PEDS1: variants seen among roughly 807,000 people sequenced by gnomAD.
PEDS1 encodes the protein plasmanylethanolamine desaturase 1.
In PEDS1, 14 loss-of-function variants were observed where a neutral mutation model predicts 35.2. That is an observed-to-expected ratio of 0.40 (90% CI 0.26 to 0.62). PEDS1 has a LOEUF of 0.62. Among genes scored for constraint, PEDS1 ranks in the 20% least tolerant of loss-of-function variants. PEDS1 has a pLI of 0.44. For missense variants in PEDS1, 260 were observed against 367.8 expected (o/e 0.71, Z 2.40); for synonymous variants, 152 against 152.0 (o/e 1.00, Z 0.00).
rs191369615 is a variant in PEDS1 at position 50,147,454 on chromosome 20, T to A, written c.122-3833A>T. ...GGCTGGGCCCCTGCAGTCATCTGAG[T>A]TTTTGAGTCTGAGGCACAGTCTCTC... is the stretch of plus-strand genomic sequence containing the variant. On this transcript the variant is annotated intron_variant, in intron 1 of 5. Transcript: ENST00000371652. 2.0e-5 allele frequency among the ~76,000 whole-genome samples: 3 copies of A among 152,262 alleles called. No individual in the cohort carries two copies. The East Asian group carries it at 5.8e-4, about 29-fold the overall frequency.
rs965546106 is a variant in PEDS1 at position 50,124,181 on chromosome 20, T to A, written c.*877A>T. 3.9e-5 allele frequency: 6 copies of A among 152,638 alleles called. No homozygotes were observed. The highest frequency in any genetic ancestry group is 1.4e-4 in the African/African-American group (6 of 41,442). 9.5% of individuals were successfully genotyped at this position (152,638 alleles called of 1,614,324 possible). A position where few individuals can be genotyped will look rare whatever the true frequency, so the allele number is the denominator to read the frequency against. ...AGGCAGCCAAGGTTAAGTAGACTCT[T>A]GCTGCTTTGTTATAAATATATTATG... On this transcript the variant is annotated 3_prime_UTR_variant, in exon 6 of 6. Coordinates refer to ENST00000371652, the MANE Select transcript of PEDS1 (RefSeq NM_199129.4).
Position 50,125,065 on chromosome 20 carries a change from A to G in PEDS1, c.806T>C (p.Ile269Thr). Residue 269 changes from isoleucine to threonine, a missense_variant, in exon 6 of 6, where the codon ATC becomes ACC. Transcript: ENST00000371652. Reference sequence around the variant, plus strand: ...GTAGCAGGCTCGGAGAAGTTATTTGATCTTCTGGGCCCATTTCATGTCATC... The same window carrying G: ...GTAGCAGGCTCGGAGAAGTTATTTGGTCTTCTGGGCCCATTTCATGTCATC... ...RADDMKWAQK[I>T]K The G allele has an allele frequency of 2.5e-6, 4 of 1,613,662 alleles. No individual in the cohort carries two copies. In the African/African-American group the frequency reaches 4.0e-5, roughly 16 times the overall value.
chr20:50,137,882 CA>C (rs895587856), intron 2 of PEDS1, among the ~76,000 whole-genome samples: 6 of 151,744 alleles, frequency 4.0e-5, no homozygotes, highest in Non-Finnish European at 5.9e-5. Flanking sequence ...AACAAACAAA[CA>C]AAAAAAACTG....
chr20:50,146,271 G>A (rs1336913814), intron 1 of PEDS1, among the ~76,000 whole-genome samples: 1 of 152,046 alleles, frequency 6.6e-6, no homozygotes, highest in Non-Finnish European at 1.5e-5. Context: ...CCATCTCCAG[G>A]AAGCCATCCA....
chr20:50,125,711 A>G (rs1029155515), intron 5 of PEDS1, among the ~76,000 whole-genome samples: 2 of 152,132 alleles, frequency 1.3e-5, no homozygotes, highest in Non-Finnish European at 2.9e-5. Context: ...CTCCTGCCTC[A>G]GCCTCCGAGT....
At chr20:50,142,012 G>T (rs2081296262) in intron 2 of PEDS1, among the ~76,000 whole-genome samples, 1 of 152,204 alleles carries the variant, frequency 6.6e-6, no homozygotes, top group African/African-American at 2.4e-5. Context: ...GGAGGGGAAG[G>T]GTGGTGCATG....
chr20:50,126,400 C>A (rs908470983), intron 5 of PEDS1, among the ~76,000 whole-genome samples: 1 of 152,206 alleles, frequency 6.6e-6, no homozygotes, highest in African/African-American at 2.4e-5. Context: ...AGCCTGAATT[C>A]TAATCCCTCC....
chr20:50,140,673 T>C (rs2081283684), intron 2 of PEDS1, among the ~76,000 whole-genome samples: 1 of 152,182 alleles, frequency 6.6e-6, no homozygotes, highest in Admixed American at 6.5e-5. Flanking sequence ...CCGCTTAGCT[T>C]GATTTTGCTT....
At chr20:50,147,005 G>C (rs955234822) in intron 1 of PEDS1, among the ~76,000 whole-genome samples, 1 of 152,168 alleles carries the variant, frequency 6.6e-6, no homozygotes, top group Non-Finnish European at 1.5e-5. Flanking sequence ...GGGAGGACAC[G>C]GAGAGGCGGT....
chr20:50,125,589 T>TATCA (rs2081093845), intron 5 of PEDS1, among the ~76,000 whole-genome samples: 1 of 137,078 alleles, frequency 7.3e-6, no homozygotes, highest in South Asian at 2.4e-4. Flanking sequence ...TCTATCTATC[T>TATCA]ATCATTTATC....
chr20:50,146,873 C>T (rs2081350592), intron 1 of PEDS1, among the ~76,000 whole-genome samples: 1 of 152,168 alleles, frequency 6.6e-6, no homozygotes, highest in Non-Finnish European at 1.5e-5. Flanking sequence ...CCCCCACTGC[C>T]CCAGCAGCCG....
intron 3 of PEDS1, among the ~76,000 whole-genome samples, chr20:50,130,198 T>TGGCTGAG (rs2081161923): frequency 6.6e-6 from 1 of 152,180 alleles, no homozygotes; most frequent in Admixed American, 6.5e-5. Flanking sequence ...GCCCAGCACG[T>TGGCTGAG]GACCCAATCT....
intron 5 of PEDS1, 30 bp downstream of exon 5, chr20:50,127,945 A>G (rs1297841904): frequency 6.2e-7 from 1 of 1,605,006 alleles, no homozygotes; most frequent in Admixed American, 1.7e-5. Context: ...GGGGTGGGGA[A>G]AGCCCATTCC....
intron 1 of PEDS1, among the ~76,000 whole-genome samples, chr20:50,145,856 C>T (rs767123775): frequency 5.9e-5 from 9 of 152,134 alleles, no homozygotes; most frequent in African/African-American, 2.2e-4. Flanking sequence ...ACATATCAGG[C>T]GCCTGCTGAA....
chr20:50,134,397 A>G (rs1601216851), intron 2 of PEDS1, among the ~76,000 whole-genome samples: 1 of 152,190 alleles, frequency 6.6e-6, no homozygotes, highest in East Asian at 1.9e-4. Context: ...AACACAAAAA[A>G]TTAGCCAGGG....
At chr20:50,125,454 G>T (rs2081090319) in intron 5 of PEDS1, among the ~76,000 whole-genome samples, 1 of 152,144 alleles carries the variant, frequency 6.6e-6, no homozygotes, top group Non-Finnish European at 1.5e-5. Flanking sequence ...CACTGTGGTG[G>T]CCTTATCACT....
intron 2 of PEDS1, among the ~76,000 whole-genome samples, chr20:50,133,449 G>A (rs531521519): frequency 2.6e-5 from 4 of 152,292 alleles, no homozygotes; most frequent in African/African-American, 7.2e-5. Flanking sequence ...TGGCTGGGCT[G>A]AGGTAAAGGG....
In PEDS1 at chr20:50,123,662, G is replaced by C. The variant is rs2081070275; in HGVS notation, c.*1396C>G. On this transcript the variant is annotated 3_prime_UTR_variant, in exon 6 of 6. Transcript: ENST00000371652. ...GTGTCTGACCTCCTCTCCTCCCCCA[G>C]GTCTCAGCTCAGAGGCCCTTCATGA... 6.6e-6 allele frequency: 1 copy of C among 152,288 alleles called. No homozygotes were observed. Among genetic ancestry groups the C allele is most frequent in the South Asian group, 2.1e-4 (1 of 4,830 alleles). 9.4% of individuals were successfully genotyped at this position (152,288 alleles called of 1,614,324 possible).
chr20:50,143,682 C>G, intron 1 of PEDS1, 61 bp from the exon 2 acceptor site: 1 of 1,572,480 alleles, frequency 6.4e-7, no homozygotes, highest in South Asian at 1.2e-5. Flanking sequence ...GAGTGTGGCC[C>G]CATGGGAACT....
Sources: gnomAD v4.1 joint callset for allele counts (sites outside exome capture counted in the v4.1 genomes callset) on GRCh38, gnomAD v4.1.1 for gene constraint, MANE v1.5 for transcripts, NCBI Gene and HGNC (gene_info 2026-07-23, HGNC 2026-07-21) for gene names.